DIP2C: variants seen among roughly 807,000 people sequenced by gnomAD.
DIP2C encodes disco-interacting protein 2 homolog C.
In DIP2C, 33 loss-of-function variants were observed where a neutral mutation model predicts 192.4. The observed-to-expected ratio is 0.17, with a 90% confidence interval of 0.13 to 0.23. The LOEUF (loss-of-function observed/expected upper bound fraction) is 0.23. Ranked by LOEUF, DIP2C falls within the 10% of genes least tolerant of loss-of-function variation. The pLI is 1.00. For synonymous variants in DIP2C, 979 were observed against 864.1 expected, an observed-to-expected ratio of 1.13 and a Z score of -2.33; for missense variants, 1,537 against 2,110.1, an observed-to-expected ratio of 0.73 and a Z score of 5.32.
intron 1 of DIP2C, among the ~76,000 whole-genome samples, chr10:613,164 C>T (rs1442808575): frequency 6.6e-6 from 1 of 152,220 alleles, no homozygotes; most frequent in Non-Finnish European, 1.5e-5. Context: ...TACCAGAGTT[C>T]ATAACATGTG....
chr10:558,257 A>G (rs1290368705), intron 1 of DIP2C, among the ~76,000 whole-genome samples: 1 of 152,168 alleles, frequency 6.6e-6, no homozygotes, highest in East Asian at 1.9e-4. Flanking sequence ...AGAAAGAAAC[A>G]GGTTCTGAGA....
chr10:493,476 G>T (rs940251322), intron 1 of DIP2C, among the ~76,000 whole-genome samples: 2 of 152,188 alleles, frequency 1.3e-5, no homozygotes, highest in Non-Finnish European at 2.9e-5. Flanking sequence ...GCAAGGTAGG[G>T]ACAATGAAGC....
chr10:427,934 C>A (rs372529547), intron 4 of DIP2C, among the ~76,000 whole-genome samples: 1 of 152,026 alleles, frequency 6.6e-6, no homozygotes, highest in Non-Finnish European at 1.5e-5. Context: ...GGAAATTATA[C>A]GTATACACAA....
intron 32 of DIP2C, among the ~76,000 whole-genome samples, chr10:303,804 T>G (rs1956175283): frequency 6.6e-6 from 1 of 152,254 alleles, no homozygotes; most frequent in Non-Finnish European, 1.5e-5. Context: ...ATTATAGGCA[T>G]GAGCCGCCGC....
intron 1 of DIP2C, among the ~76,000 whole-genome samples, chr10:539,034 A>C (rs1450509945): frequency 1.3e-5 from 2 of 151,828 alleles, no homozygotes; most frequent in African/African-American, 2.4e-5. Context: ...AGTTTTGTGA[A>C]TCTGTTCTAC....
At chr10:352,192 C>T (rs1021663533) in intron 24 of DIP2C, among the ~76,000 whole-genome samples, 1 of 152,262 alleles carries the variant, frequency 6.6e-6, no homozygotes, top group Non-Finnish European at 1.5e-5. Context: ...GATGACAAAG[C>T]CTGTGGTTTG....
chr10:657,195 G>T (rs1314558053), intron 1 of DIP2C, among the ~76,000 whole-genome samples: 1 of 141,848 alleles, frequency 7.0e-6, no homozygotes. Context: ...ACCTGATGCT[G>T]GACCTGCCGC....
chr10:471,468 C>T (rs564224078), intron 3 of DIP2C, among the ~76,000 whole-genome samples: 1 of 152,156 alleles, frequency 6.6e-6, no homozygotes, highest in Non-Finnish European at 1.5e-5. Flanking sequence ...TTCCGTCATC[C>T]CTTAGCCTCA....
chr10:538,640 TTTG>T (rs769269242), intron 1 of DIP2C, among the ~76,000 whole-genome samples: 2 of 152,200 alleles, frequency 1.3e-5, no homozygotes, highest in Non-Finnish European at 2.9e-5. Flanking sequence ...GTTTTGGGTT[TTTG>T]TTGTTGTTCT....
At chr10:392,578 G>C (rs1176984474) in intron 10 of DIP2C, among the ~76,000 whole-genome samples, 1 of 152,162 alleles carries the variant, frequency 6.6e-6, no homozygotes, top group Non-Finnish European at 1.5e-5. Flanking sequence ...CCGCGGCCCC[G>C]TCAGACGCCA....
chr10:416,944 C>T (rs941262356), intron 6 of DIP2C, among the ~76,000 whole-genome samples: 8 of 152,108 alleles, frequency 5.3e-5, no homozygotes, highest in African/African-American at 1.4e-4. Flanking sequence ...TCAACATTTG[C>T]GGGGAATAGA....
rs887930437 is a variant in DIP2C at position 382,776 on chromosome 10, G to A, written c.1877-15C>T. 6.4e-6 allele frequency: 10 copies of A among 1,567,136 alleles called. No individual in the cohort carries two copies. In the South Asian group the frequency reaches 8.1e-5, roughly 13 times the overall value. ...AGAAATAGACCCTAGAGTGAAAGAG[G>A]GACAATGATCAGACAGCTGAAGCAC... On this transcript the variant is annotated splice_polypyrimidine_tract_variant and intron_variant, in intron 16 of 36. Transcript: ENST00000280886.
chr10:440,727 C>T, intron 4 of DIP2C, 144 bp downstream of exon 4: 2 of 1,225,854 alleles, frequency 1.6e-6, no homozygotes, highest in Non-Finnish European at 2.2e-6. Flanking sequence ...TTAACTCATA[C>T]AACACTGTTT....
chr10:635,455 T>C (rs1854773261), intron 1 of DIP2C, among the ~76,000 whole-genome samples: 1 of 151,744 alleles, frequency 6.6e-6, no homozygotes, highest in East Asian at 1.9e-4. Flanking sequence ...CAGGGGGAGG[T>C]GGCACAGCCT....
At chr10:366,970 C>T (rs1960302466) in intron 18 of DIP2C, among the ~76,000 whole-genome samples, 1 of 152,170 alleles carries the variant, frequency 6.6e-6, no homozygotes, top group African/African-American at 2.4e-5. Context: ...CTGCAATCCA[C>T]AAATCTGATT....
intron 32 of DIP2C, among the ~76,000 whole-genome samples, chr10:289,830 T>C (rs1261085703): frequency 6.6e-6 from 1 of 152,044 alleles, no homozygotes; most frequent in Non-Finnish European, 1.5e-5. Flanking sequence ...CACCCAGCAG[T>C]GTGGTAGGTG....
At chr10:321,074 C>T (rs954570529) in intron 31 of DIP2C, among the ~76,000 whole-genome samples, 12 of 152,264 alleles carry the variant, frequency 7.9e-5, no homozygotes, top group African/African-American at 2.6e-4. Context: ...GGGAGGCAGA[C>T]GCTTGGGGCT....
intron 24 of DIP2C, among the ~76,000 whole-genome samples, chr10:354,908 A>T (rs1056977350): frequency 1.3e-5 from 2 of 151,872 alleles, no homozygotes; most frequent in Non-Finnish European, 2.9e-5. Flanking sequence ...GGGAGAGGAC[A>T]AAGTCAGACA....
chr10:666,451 C>T lies in DIP2C; in HGVS notation c.85+23043G>A, dbSNP rs1390159709. The T allele has an allele frequency of 1.3e-5, 2 of 152,376 alleles. No individual in the cohort carries two copies. Among genetic ancestry groups the T allele is most frequent in the African/African-American group, 4.8e-5 (2 of 41,442 alleles). 9.4% of individuals were successfully genotyped at this position (152,376 alleles called of 1,614,324 possible). A position where few individuals can be genotyped will look rare whatever the true frequency, so the allele number is the denominator to read the frequency against. On this transcript the variant is annotated intron_variant, in intron 1 of 36. Coordinates refer to ENST00000280886, the MANE Select transcript of DIP2C (RefSeq NM_014974.3). This position sits in a 1 kb window ranked among gnomAD's most constrained non-coding sequence, Gnocchi z 4.1. ...AATCCACTGGCACCCAGAGCCCGGCCCGCGGCAGCAGAATCACCCAAGACT... is the reference window on the plus strand; with the variant it reads ...AATCCACTGGCACCCAGAGCCCGGCTCGCGGCAGCAGAATCACCCAAGACT...
Sources: allele counts gnomAD v4.1 joint callset (sites outside exome capture counted in the v4.1 genomes callset), GRCh38; gene constraint gnomAD v4.1.1; non-coding constraint Gnocchi (gnomAD v3.1); transcripts MANE v1.5; gene names NCBI Gene and HGNC (gene_info 2026-07-23, HGNC 2026-07-21).